Variants in LAMB2 observed in about 807,000 individuals in gnomAD.
The protein encoded by LAMB2 is laminin subunit beta 2, also known as laminin subunit beta-2.
In LAMB2, 119 loss-of-function variants were observed where a neutral mutation model predicts 202.7. The observed-to-expected ratio is 0.59, with a 90% CI of 0.51 to 0.68. The LOEUF is 0.68. LAMB2 is among the 30% of genes least tolerant of loss of function. The pLI is 0.00. For missense variants in LAMB2, 2,124 were observed against 2,410.6 expected, an observed-to-expected ratio of 0.88 and a Z score of 2.49; for synonymous variants, 818 against 902.2, an observed-to-expected ratio of 0.91 and a Z score of 1.67.
Position 49,122,206 on chromosome 3 carries a change from C to T in LAMB2, c.4738G>A (p.Val1580Met), listed in dbSNP as rs753069061. ...DAILARTVGDVRRAEQLLQDA... is the reference protein window; with the variant it reads ...DAILARTVGDMRRAEQLLQDA... ...TGCAGTAGCTGCTCGGCACGACGCA[C>T]ATCTCCTACAGTACGTGCCAGGATC... The change falls in exon 28 of 32, where the codon GTG becomes ATG. Residue 1580 changes from valine to methionine, a missense_variant. Val to Met is a conservative substitution (Grantham distance 21). Transcript: ENST00000305544. 6.8e-6 allele frequency: 11 copies of T among 1,613,390 alleles called. No individual in the cohort carries two copies. Among genetic ancestry groups the T allele is most frequent in the Non-Finnish European group, 9.3e-6 (11 of 1,180,052 alleles).
In LAMB2 at chr3:49,130,770, C is replaced by A; in HGVS notation, c.1006G>T (p.Ala336Ser). The A allele has an allele frequency of 6.2e-7, 1 of 1,614,152 alleles. No individual in the cohort carries two copies. The highest frequency in any genetic ancestry group is 8.5e-7 in the Non-Finnish European group (1 of 1,180,018). The change falls in exon 8 of 32, where the codon GCT (alanine) becomes TCT (serine). Residue 336 changes from alanine to serine, a missense_variant. By Grantham distance (99) the Ala-to-Ser change is moderately conservative. Around this residue, in one of 3 missense-constraint regions of LAMB2, gnomAD observed 256 missense variants for 356.1 expected, o/e 0.72. Transcript: ENST00000305544. This position sits in a 1 kb window ranked among gnomAD's most constrained non-coding sequence, Gnocchi z 5.0. ...DFYRDLPWRPAEDGHSHACRK... is the reference protein window; with the variant it reads ...DFYRDLPWRPSEDGHSHACRK... ...CAGGCATGACTATGGCCGTCCTCAG[C>A]CGGACGCCAGGGCAGGTCACGATAG...
Position 49,122,247 on chromosome 3 carries a change from A to G in LAMB2, c.4697T>C (p.Leu1566Pro), listed in dbSNP as rs779155013. 6.2e-7 allele frequency: 1 copy of G among 1,613,486 alleles called. No homozygotes were observed. The highest frequency in any genetic ancestry group is 1.1e-5 in the South Asian group (1 of 91,090). The change falls in exon 28 of 32, where the codon CTG (leucine) becomes CCG (proline). Residue 1566 changes from leucine to proline, a missense_variant. Transcript: ENST00000305544. ...AGAIAERVRS[L>P]ADVDAILART... The stretch of plus-strand genomic sequence containing the variant: ...TGCCAGGATCGCATCCACATCTGCC[A>G]GGCTCCGGACTCGCTCTGCAATCGC...
intron 15 of LAMB2, among the ~76,000 whole-genome samples, chr3:49,126,810 C>T (rs2045421161): frequency 6.6e-6 from 1 of 152,138 alleles, no homozygotes; most frequent in Admixed American, 6.6e-5. Context: ...TCCTCTGACC[C>T]CGACCTACAA....
At position 49,131,215 on chromosome 3, in the gene LAMB2, G is replaced by A; in HGVS notation, c.713-63C>T. ...CCCTTGCTGCCCCATGTCCACCCAGGGGCTCAGCTGCCAAGGTCACCTTGA... is the reference window on the plus strand; with the variant it reads ...CCCTTGCTGCCCCATGTCCACCCAGAGGCTCAGCTGCCAAGGTCACCTTGA... On this transcript the variant is annotated intron_variant, in intron 6 of 31. Coordinates refer to ENST00000305544, the MANE Select transcript of LAMB2 (RefSeq NM_002292.4). This position sits in a 1 kb window ranked among gnomAD's most constrained non-coding sequence, Gnocchi z 5.0. 6.5e-7 allele frequency: 1 copy of A among 1,549,802 alleles called. No homozygotes were observed. Among genetic ancestry groups the A allele is most frequent in the Non-Finnish European group, 8.9e-7 (1 of 1,126,816 alleles).
Position 49,121,759 on chromosome 3 carries a change from T to A in LAMB2, c.5025A>T (p.Ala1675=), listed in dbSNP as rs775846686. The change falls in exon 30 of 32, where the codon GCA becomes GCT. Residue 1675 remains alanine (A), a synonymous_variant. Transcript: ENST00000305544. ...ALLEALKLKR[A]GNSLAASTAE... ...CTGTAGAGGCTGCCAGACTATTTCC[T>A]GCCCGTTTCAATTTCAGAGCCTCCA... The A allele has an allele frequency of 6.2e-7, 1 of 1,613,722 alleles. No individual in the cohort carries two copies. The highest frequency in any genetic ancestry group is 8.5e-7 in the Non-Finnish European group (1 of 1,180,022).
At position 49,121,821 on chromosome 3, in the gene LAMB2, A is replaced by G; in HGVS notation, c.4963T>C (p.Ser1655Pro). Residue 1655 changes from serine to proline, a missense_variant, in exon 30 of 32, where the codon TCT (serine) becomes CCT (proline). Around this residue, in one of 3 missense-constraint regions of LAMB2, gnomAD observed 1,702 missense variants for 1,896.3 expected, o/e 0.90. Transcript: ENST00000305544. ...RMAGAERALS[S>P]AGERARQLDA... The stretch of plus-strand genomic sequence containing the variant: ...AACTGCCGAGCCCTTTCACCTGCAG[A>G]GCTCAGTGCCCGCTCTGCACCTGCC... The G allele has an allele frequency of 6.2e-7, 1 of 1,612,818 alleles. No individual in the cohort carries two copies. Among genetic ancestry groups the G allele is most frequent in the Non-Finnish European group, 8.5e-7 (1 of 1,179,944 alleles).
Position 49,128,720 on chromosome 3 carries a change from G to A in LAMB2, c.1831C>T (p.Leu611=), listed in dbSNP as rs886058676. The A allele has an allele frequency of 7.4e-6, 12 of 1,614,136 alleles. No homozygotes were observed. Among genetic ancestry groups the A allele is most frequent in the Non-Finnish European group, 1.0e-5 (12 of 1,180,034 alleles). The change falls in exon 14 of 32, where the codon CTG becomes TTG. Residue 611 remains leucine (L), a synonymous_variant. Coordinates refer to ENST00000305544, the MANE Select transcript of LAMB2 (RefSeq NM_002292.4). Reference sequence around the variant, plus strand: ...ATAGCCTTCGGCACAGAGGCCACCAGGAACTCCAGGGTCTGACCTTCCTGT... The same window carrying A: ...ATAGCCTTCGGCACAGAGGCCACCAAGAACTCCAGGGTCTGACCTTCCTGT... ...RLQEGQTLEF[L]VASVPKAMDY...
At position 49,132,676 on chromosome 3, in the gene LAMB2, G is replaced by A. The variant is rs774260221; in HGVS notation, c.77-13C>T. On this transcript the variant is annotated splice_polypyrimidine_tract_variant and intron_variant, in intron 1 of 31. Transcript: ENST00000305544. The surrounding 1 kb of genome is among the most constrained non-coding windows in gnomAD (Gnocchi z 4.6). ...GTGGCAGCCAGCACTGGGGACAGTA[G>A]CTCAGTCAGTTCCGCTGAGTTCCTA... 8 of 1,614,098 alleles carry A rather than the reference G, an allele frequency of 5.0e-6. No homozygotes were observed. In the East Asian group the frequency reaches 1.6e-4, roughly 31 times the overall value.
Position 49,125,113 on chromosome 3 carries a change from G to A in LAMB2, c.2777C>T (p.Pro926Leu). 1.2e-6 allele frequency: 2 copies of A among 1,613,694 alleles called. No homozygotes were observed. Among genetic ancestry groups the A allele is most frequent in the East Asian group, 4.5e-5 (2 of 44,882 alleles). ...PRLPYGGQCRPCPCPEGPGSQ... is the reference protein window; with the variant it reads ...PRLPYGGQCRLCPCPEGPGSQ... The stretch of plus-strand genomic sequence containing the variant: ...CCCAGGGCCTTCAGGACAGGGACAG[G>A]GCCGGCACTGGCCCCCATATGGCAG... The change falls in exon 20 of 32, where the codon CCC becomes CTC. Residue 926 changes from proline (P) to leucine (L), a missense_variant. Pro to Leu is a moderately conservative substitution (Grantham distance 98). Transcript: ENST00000305544.
Position 49,129,003 on chromosome 3 carries a change from A to G in LAMB2, c.1731+17T>C, listed in dbSNP as rs1238961808. 6.2e-7 allele frequency: 1 copy of G among 1,606,222 alleles called. No individual in the cohort carries two copies. Among genetic ancestry groups the G allele is most frequent in the Non-Finnish European group, 8.5e-7 (1 of 1,179,964 alleles). On this transcript the variant is annotated intron_variant, in intron 13 of 31. Coordinates refer to ENST00000305544, the MANE Select transcript of LAMB2 (RefSeq NM_002292.4). The surrounding 1 kb of genome is among the most constrained non-coding windows in gnomAD (Gnocchi z 6.1). Reference sequence around the variant, plus strand: ...TCCACCCACATCCAGCCCTCTGCTTAGGGGGAGGCCCCACACCTGCCCTCG... The same window carrying G: ...TCCACCCACATCCAGCCCTCTGCTTGGGGGGAGGCCCCACACCTGCCCTCG...
In LAMB2 at chr3:49,124,096, A is replaced by G; in HGVS notation, c.3429T>C (p.Cys1143=). The change falls in exon 24 of 32, where the codon TGT becomes TGC. Residue 1143 remains cysteine, a synonymous_variant. Transcript: ENST00000305544. ...TATCTATTCCACGAGAGTCACAATC[A>G]CAGGCTGCAAGAAAGAGCAGAGCAC... The part of the protein sequence containing the change: ...WGDPGLQCHA[C]DCDSRGIDTP... 6.2e-7 allele frequency: 1 copy of G among 1,614,100 alleles called. No individual in the cohort carries two copies. Among genetic ancestry groups the G allele is most frequent in the South Asian group, 1.1e-5 (1 of 91,082 alleles).
Position 49,130,412 on chromosome 3 carries a change from C to T in LAMB2, c.1044G>A (p.Glu348=). The T allele has an allele frequency of 6.2e-7, 1 of 1,614,016 alleles. No individual in the cohort carries two copies. Residue 348 remains glutamate, a synonymous_variant, in exon 9 of 32, where the codon GAG becomes GAA. Transcript: ENST00000305544. This position sits in a 1 kb window ranked among gnomAD's most constrained non-coding sequence, Gnocchi z 5.0. The stretch of plus-strand genomic sequence containing the variant: ...GGCAGCTGTGGGTGTGCCCATGGCA[C>T]TCACACTCTGGCAGGGGAGGAAGGG... The part of the protein sequence containing the change: ...DGHSHACRKC[E]CHGHTHSCHF...
At position 49,131,196 on chromosome 3, in the gene LAMB2, C is replaced by T. The variant is rs752522324; in HGVS notation, c.713-44G>A. On this transcript the variant is annotated intron_variant, in intron 6 of 31. Coordinates refer to ENST00000305544, the MANE Select transcript of LAMB2 (RefSeq NM_002292.4). The surrounding 1 kb of genome is among the most constrained non-coding windows in gnomAD (Gnocchi z 5.0). ...GGCCAACTGACCAGGCAGGCCCTTG[C>T]TGCCCCATGTCCACCCAGGGGCTCA... 1.5e-5 allele frequency: 24 copies of T among 1,587,012 alleles called. No individual in the cohort carries two copies. The highest frequency in any genetic ancestry group is 1.5e-5 in the Non-Finnish European group (17 of 1,158,190).
Position 49,130,026 on chromosome 3 carries a change from CAA to C in LAMB2, c.1226-10_1226-9del. 6.2e-7 allele frequency: 1 copy of C among 1,613,646 alleles called. No homozygotes were observed. Among genetic ancestry groups the C allele is most frequent in the Non-Finnish European group, 8.5e-7 (1 of 1,179,880 alleles). ...TGGGGTCACAATCACAGGCTGACGG[CAA>C]AAAGAGATACAGGGTCACTCACCCT... On this transcript the variant is annotated splice_polypyrimidine_tract_variant and intron_variant, in intron 9 of 31. Transcript: ENST00000305544. This position sits in a 1 kb window ranked among gnomAD's most constrained non-coding sequence, Gnocchi z 5.0.
Position 49,132,766 on chromosome 3 carries a change from C to T in LAMB2, c.76+26G>A, listed in dbSNP as rs755424987. On this transcript the variant is annotated intron_variant, in intron 1 of 31. Transcript: ENST00000305544. The surrounding 1 kb of genome is among the most constrained non-coding windows in gnomAD (Gnocchi z 4.6). The stretch of plus-strand genomic sequence containing the variant: ...AGGACCTACCATCACATTCCACAAC[C>T]CCCAGCCCCCACCAGGCCCTCTCAC... The T allele has an allele frequency of 6.2e-7, 1 of 1,613,896 alleles. No homozygotes were observed. Among genetic ancestry groups the T allele is most frequent in the Non-Finnish European group, 8.5e-7 (1 of 1,179,836 alleles).
chr3:49,122,750 G>A lies in LAMB2; in HGVS notation c.4527C>T (p.Asn1509=), dbSNP rs1440971440. ...NASRGQVEQA[N]QELQELIQSV... is the part of the protein sequence containing the mutation. ...TCTGGATAAGTTCTTGAAGTTCCTG[G>A]TTGGCCTGTTCCACCTGTCCCCTGG... The change falls in exon 27 of 32, where the codon AAC becomes AAT. Residue 1509 remains asparagine (N), a synonymous_variant. Coordinates refer to ENST00000305544, the MANE Select transcript of LAMB2 (RefSeq NM_002292.4). The A allele has an allele frequency of 6.2e-7, 1 of 1,614,136 alleles. No homozygotes were observed. The highest frequency in any genetic ancestry group is 8.5e-7 in the Non-Finnish European group (1 of 1,180,012).
intron 15 of LAMB2, among the ~76,000 whole-genome samples, chr3:49,127,812 A>G (rs1260272815): frequency 6.6e-6 from 1 of 152,046 alleles, no homozygotes; most frequent in Non-Finnish European, 1.5e-5. Context: ...CAAGGTCAGA[A>G]GATCGAGGCC....
rs764955129 is a variant in LAMB2 at position 49,126,146 on chromosome 3, G to T, written c.2165C>A (p.Pro722His). The change falls in exon 17 of 32, where the codon CCC becomes CAC. Residue 722 changes from proline to histidine, a missense_variant. By Grantham distance (77) the Pro-to-His change is moderately conservative. Around this residue, in one of 3 missense-constraint regions of LAMB2, gnomAD observed 1,702 missense variants for 1,896.3 expected, o/e 0.90. Coordinates refer to ENST00000305544, the MANE Select transcript of LAMB2 (RefSeq NM_002292.4). ...AAACATCTCTAGCACCAGGACACGG[G>T]GCAGCAGCACCAGCTGAAGGAGTGA... ...GLLIDSLVLL[P>H]RVLVLEMFSG... The T allele has an allele frequency of 1.6e-5, 25 of 1,612,526 alleles. No homozygotes were observed. The Admixed American group carries it at 4.2e-4, about 27-fold the overall frequency.
chr3:49,121,143 C>A lies in LAMB2; in HGVS notation c.*83G>T. 1 of 1,552,702 alleles carries A rather than the reference C, an allele frequency of 6.4e-7. No individual in the cohort carries two copies. The stretch of plus-strand genomic sequence containing the variant: ...GGTTCACACTGGTTTATTGGGGGCC[C>A]TGCCGGGCCAAGAGCTCTTCAGTGC... On this transcript the variant is annotated 3_prime_UTR_variant, in exon 32 of 32. Transcript: ENST00000305544.
Sources: gnomAD v4.1 joint callset for allele counts (sites outside exome capture counted in the v4.1 genomes callset) on GRCh38, gnomAD v4.1.1 for gene constraint, gnomAD v4.1.1 regional missense constraint, Gnocchi (gnomAD v3.1) non-coding constraint, MANE v1.5 for transcripts, NCBI Gene and HGNC (gene_info 2026-07-23, HGNC 2026-07-21) for gene names.